ABLIM1: variants seen among roughly 807,000 people sequenced by gnomAD.
ABLIM1 encodes the protein actin-binding LIM protein 1.
Under a neutral mutation model 107.0 loss-of-function variants are expected in ABLIM1, and 40 were observed. The observed-to-expected ratio is 0.37, with a 90% CI of 0.29 to 0.49. ABLIM1 has a LOEUF of 0.49. ABLIM1 is among the 20% of genes least tolerant of loss of function. The probability of loss-of-function intolerance (pLI) is 0.97; values close to 1 mark genes in which losing one functional copy is unlikely to be tolerated. For missense variants in ABLIM1, 857 were observed against 1,008.5 expected, an observed-to-expected ratio of 0.85 and a Z score of 2.04; for synonymous variants, 357 against 357.3, an observed-to-expected ratio of 1.00 and a Z score of 0.01.
At chr10:114,794,089 C>A in the ABLIM1 span, among the ~76,000 whole-genome samples, 2 of 152,198 alleles carry the variant, frequency 1.3e-5, no homozygotes, top group African/African-American at 4.8e-5. Flanking sequence ...CTCTTGGACT[C>A]TGCTGTGGCT....
intron 6 of ABLIM1, among the ~76,000 whole-genome samples, chr10:114,524,802 G>A (rs906870139): frequency 6.6e-6 from 1 of 152,176 alleles, no homozygotes; most frequent in Non-Finnish European, 1.5e-5. Context: ...GGAAAAGGGG[G>A]CAGAAGAATG....
At chr10:114,606,698 C>G (rs1264754165) in intron 1 of ABLIM1, among the ~76,000 whole-genome samples, 1 of 152,180 alleles carries the variant, frequency 6.6e-6, no homozygotes, top group African/African-American at 2.4e-5. Context: ...CTTCCAAAGC[C>G]CTTTCCTCTT....
chr10:114,590,692 C>A (rs535276015), intron 2 of ABLIM1, among the ~76,000 whole-genome samples: 10 of 152,156 alleles, frequency 6.6e-5, no homozygotes, highest in Admixed American at 3.3e-4. Flanking sequence ...AAGTGAGATC[C>A]ACCCTTTGCC....
At chr10:114,635,835 T>G (rs2078453474) in intron 1 of ABLIM1, among the ~76,000 whole-genome samples, 1 of 152,222 alleles carries the variant, frequency 6.6e-6, no homozygotes, top group Non-Finnish European at 1.5e-5. Context: ...ACTGGACTCT[T>G]TAGCTAAAAG....
chr10:114,575,374 G>T, intron 3 of ABLIM1, 42 bp downstream of exon 3: 1 of 1,597,018 alleles, frequency 6.3e-7, no homozygotes, highest in East Asian at 2.2e-5. Flanking sequence ...GCATTTCTCT[G>T]TTGGAGGAAG....
chr10:114,485,207 G>A (rs2058007980), intron 8 of ABLIM1: 2 of 996,462 alleles, frequency 2.0e-6, no homozygotes, highest in Non-Finnish European at 2.8e-6. Context: ...AGCCGAAGAA[G>A]TTATGTGAGA....
chr10:114,538,029 G>C (rs143492599), intron 6 of ABLIM1, among the ~76,000 whole-genome samples: 62 of 152,300 alleles, frequency 4.1e-4, no homozygotes, highest in African/African-American at 1.5e-3. Flanking sequence ...GCTCACTAGA[G>C]AATAGCTTAG....
chr10:114,596,829 A>T (rs1163566782), intron 2 of ABLIM1, among the ~76,000 whole-genome samples: 1 of 152,028 alleles, frequency 6.6e-6, no homozygotes, highest in African/African-American at 2.4e-5. Context: ...CTTGCTTTTC[A>T]TTCCCAAACT....
At chr10:114,484,405 CAG>C (rs963801230) in intron 8 of ABLIM1, among the ~76,000 whole-genome samples, 7 of 152,018 alleles carry the variant, frequency 4.6e-5, no homozygotes, top group East Asian at 1.9e-4. Context: ...TTTCTTGAGA[CAG>C]AGTCTTGCTC....
chr10:114,490,251 T>G (rs758643380), intron 7 of ABLIM1, among the ~76,000 whole-genome samples: 8 of 152,238 alleles, frequency 5.3e-5, no homozygotes, highest in Non-Finnish European at 1.2e-4. Context: ...GTCACTTGCC[T>G]TCATAAGGCC....
intron 1 of ABLIM1, among the ~76,000 whole-genome samples, chr10:114,762,451 G>GA (rs1566314932): frequency 6.6e-6 from 1 of 152,160 alleles, no homozygotes; most frequent in Non-Finnish European, 1.5e-5. Flanking sequence ...TTCAATAAAT[G>GA]TTCATCAGAT....
Position 114,608,812 on chromosome 10 carries a change from C to T in ABLIM1, c.245-6851G>A, listed in dbSNP as rs540704677. ...GGTGGATCAACTGAGGTCAGGAGTT[C>T]CAGACAAGCCTGGTCAACATGGCAA... On this transcript the variant is annotated intron_variant, in intron 1 of 22. Transcript: ENST00000533213. Among the ~76,000 whole-genome samples the T allele has an allele frequency of 8.6e-5, 13 of 151,954 alleles. No homozygotes were observed. The East Asian group carries it at 1.9e-3, about 23-fold the overall frequency.
intron 6 of ABLIM1, among the ~76,000 whole-genome samples, chr10:114,507,386 G>A (rs1476156334): frequency 6.6e-6 from 1 of 152,154 alleles, no homozygotes; most frequent in Non-Finnish European, 1.5e-5. Context: ...AAGAATTCAG[G>A]ACCCCCAGGC....
intron 4 of ABLIM1, among the ~76,000 whole-genome samples, chr10:114,550,648 G>A (rs181806384): frequency 4.6e-5 from 7 of 152,052 alleles, no homozygotes; most frequent in African/African-American, 1.4e-4. Context: ...ACATGTACCC[G>A]CTCTTATAGT....
chr10:114,788,192 C>T, the ABLIM1 span, among the ~76,000 whole-genome samples: 13 of 150,688 alleles, frequency 8.6e-5, no homozygotes, highest in South Asian at 2.1e-4. Flanking sequence ...ACAAACACTG[C>T]GGAAGGCTGC....
At chr10:114,729,365 C>T (rs925491481) in intron 1 of ABLIM1, among the ~76,000 whole-genome samples, 4 of 152,076 alleles carry the variant, frequency 2.6e-5, no homozygotes, top group Admixed American at 1.3e-4. Context: ...AACTCTAAGG[C>T]TCCAGGGAAA....
At chr10:114,703,242 T>C (rs1301666130) in intron 1 of ABLIM1, among the ~76,000 whole-genome samples, 1 of 152,234 alleles carries the variant, frequency 6.6e-6, no homozygotes, top group Non-Finnish European at 1.5e-5. Context: ...TCTCCATCCA[T>C]TGATCAAAAG....
intron 6 of ABLIM1, among the ~76,000 whole-genome samples, chr10:114,520,241 T>G (rs1438779329): frequency 3.9e-5 from 6 of 152,234 alleles, no homozygotes. Context: ...ATTACATTTA[T>G]ATGTCGACAA....
chr10:114,517,388 T>A (rs2063019725), intron 6 of ABLIM1, among the ~76,000 whole-genome samples: 2 of 152,066 alleles, frequency 1.3e-5, no homozygotes, highest in South Asian at 4.2e-4. Context: ...GCACCAAGGA[T>A]GCTGCAGCAC....
Sources: gnomAD v4.1 joint callset for allele counts (sites outside exome capture counted in the v4.1 genomes callset) on GRCh38, gnomAD v4.1.1 for gene constraint, MANE v1.5 for transcripts, NCBI Gene and HGNC (gene_info 2026-07-23, HGNC 2026-07-21) for gene names.